MARK1: variants seen among roughly 807,000 people sequenced by gnomAD.
MARK1 encodes serine/threonine-protein kinase MARK1.
A neutral mutation model predicts 96.3 loss-of-function variants in MARK1; 40 were observed. The observed-to-expected ratio is 0.42, with a 90% CI of 0.32 to 0.54. The LOEUF is 0.54. MARK1 is among the 20% of genes least tolerant of loss of function. The pLI, the probability that MARK1 is intolerant of heterozygous loss-of-function variation, is 0.16. For synonymous variants in MARK1, 317 were observed against 341.2 expected (o/e 0.93, Z 0.78); for missense variants, 719 against 984.6 (o/e 0.73, Z 3.61).
chr1:220,570,822 T>C (rs1663399335), intron 1 of MARK1, among the ~76,000 whole-genome samples: 1 of 152,170 alleles, frequency 6.6e-6, no homozygotes, highest in African/African-American at 2.4e-5. Flanking sequence ...ATATGAACAT[T>C]TGGAGAAGTA....
In MARK1 at chr1:220,626,258, T is replaced by C. The variant is rs377437001; in HGVS notation, c.910-4777T>C. The C allele has an allele frequency of 2.9e-4, 155 of 531,060 alleles. 3 individuals are homozygous for C. In the East Asian group the frequency reaches 6.3e-3, roughly 22 times the overall value. The allele number at this position is 531,060 out of a possible 1,614,324, so 32.9% of individuals were successfully genotyped here. On this transcript the variant is annotated intron_variant, in intron 9 of 17. Coordinates refer to ENST00000366917, the MANE Select transcript of MARK1 (RefSeq NM_018650.5). ...CACCAGAGGGTGCTGTATATTGACA[T>C]TGATATTCACCACGGCGATGGGATG...
At chr1:220,626,491 T>G (rs534760401) in intron 9 of MARK1, 118 of 533,140 alleles carry the variant, frequency 2.2e-4, no homozygotes, top group African/African-American at 2.0e-3. Flanking sequence ...CTCAGACTCC[T>G]TATCTGGGGA....
intron 16 of MARK1, among the ~76,000 whole-genome samples, chr1:220,655,198 C>T (rs1355262404): frequency 6.6e-6 from 1 of 152,176 alleles, no homozygotes; most frequent in African/African-American, 2.4e-5. Flanking sequence ...TTCCCCCAAC[C>T]TCTAAATATT....
chr1:220,581,689 C>T (rs1664251304), intron 3 of MARK1, among the ~76,000 whole-genome samples: 1 of 152,124 alleles, frequency 6.6e-6, no homozygotes, highest in Non-Finnish European at 1.5e-5. Flanking sequence ...ACAAGAACTA[C>T]TAGTCTTTCA....
chr1:220,662,405 G>C lies in MARK1; in HGVS notation c.*239G>C, dbSNP rs1264279261. Reference sequence around the variant, plus strand: ...ACAGGTAAGTATATTGTGTATTTCTGTTCATTTTCTGTTCATAGAGTTGTA... The same window carrying C: ...ACAGGTAAGTATATTGTGTATTTCTCTTCATTTTCTGTTCATAGAGTTGTA... On this transcript the variant is annotated 3_prime_UTR_variant, in exon 18 of 18. Coordinates refer to ENST00000366917, the MANE Select transcript of MARK1 (RefSeq NM_018650.5). The C allele has an allele frequency of 2.4e-6, 1 of 410,124 alleles. No individual in the cohort carries two copies. The allele number at this position is 410,124 out of a possible 1,614,324, so 25.4% of individuals were successfully genotyped here.
chr1:220,635,810 T>C (rs748308784), intron 12 of MARK1, 23 bp from the exon 13 acceptor site: 1 of 1,535,242 alleles, frequency 6.5e-7, no homozygotes, highest in South Asian at 1.2e-5. Flanking sequence ...CAGCTCATTA[T>C]GCTATTTTTA....
chr1:220,601,323 T>C (rs949242574), intron 5 of MARK1, among the ~76,000 whole-genome samples: 10 of 151,942 alleles, frequency 6.6e-5, no homozygotes, highest in African/African-American at 2.2e-4. Flanking sequence ...GCAAAACTTT[T>C]GTCACCTGAA....
rs529228039 is a variant in MARK1 at position 220,576,950 on chromosome 1, A to G, written c.52-2404A>G. ...ACATAGAAAGCTGTGTGGAGGAGAT[A>G]CTCATATTAAATCTTGAAAGATGAA... On this transcript the variant is annotated intron_variant, in intron 1 of 17. Transcript: ENST00000366917. Among the ~76,000 whole-genome samples, 3 of 152,074 alleles carry G rather than the reference A, an allele frequency of 2.0e-5. No individual in the cohort carries two copies. The South Asian group carries it at 6.2e-4, about 32-fold the overall frequency.
chr1:220,607,217 C>T (rs1666135520), intron 6 of MARK1, among the ~76,000 whole-genome samples: 1 of 152,068 alleles, frequency 6.6e-6, no homozygotes, highest in South Asian at 2.1e-4. Flanking sequence ...GTTTGTTGTT[C>T]TCCTTGAAGA....
intron 1 of MARK1, among the ~76,000 whole-genome samples, chr1:220,542,454 A>G (rs2102715838): frequency 6.6e-6 from 1 of 152,250 alleles, no homozygotes; most frequent in East Asian, 1.9e-4. Flanking sequence ...TTTGATGGTG[A>G]ACTCCTCTTT....
At chr1:220,655,799 T>G (rs1223106271) in intron 16 of MARK1, among the ~76,000 whole-genome samples, 1 of 152,210 alleles carries the variant, frequency 6.6e-6, no homozygotes, top group African/African-American at 2.4e-5. Flanking sequence ...TTCACCTTGC[T>G]CAGAATACAA....
chr1:220,578,895 T>A (rs927090294), intron 1 of MARK1, among the ~76,000 whole-genome samples: 1 of 152,066 alleles, frequency 6.6e-6, no homozygotes, highest in South Asian at 2.1e-4. Flanking sequence ...CAGGCTGGAG[T>A]GCACTGACAT....
At chr1:220,622,924 G>A (rs1439421855) in intron 9 of MARK1, among the ~76,000 whole-genome samples, 5 of 152,154 alleles carry the variant, frequency 3.3e-5, no homozygotes, top group African/African-American at 1.2e-4. Context: ...TCTAAGTATA[G>A]AGTGTATATT....
At chr1:220,575,339 G>A (rs955816912) in intron 1 of MARK1, among the ~76,000 whole-genome samples, 1 of 152,224 alleles carries the variant, frequency 6.6e-6, no homozygotes, top group Non-Finnish European at 1.5e-5. Context: ...AAAATTCATA[G>A]ACATGCTGTA....
intron 9 of MARK1, among the ~76,000 whole-genome samples, chr1:220,628,634 C>G (rs1009721447): frequency 2.0e-5 from 3 of 152,132 alleles, no homozygotes; most frequent in Non-Finnish European, 2.9e-5. Context: ...AGGCTGTAAT[C>G]TGAGCCCTCT....
chr1:220,584,756 A>G (rs1664477710), intron 3 of MARK1, among the ~76,000 whole-genome samples: 1 of 152,224 alleles, frequency 6.6e-6, no homozygotes, highest in South Asian at 2.1e-4. Flanking sequence ...AACTTGCAAA[A>G]CCAATCACAA....
intron 9 of MARK1, chr1:220,627,305 C>A (rs1353951864): frequency 7.9e-6 from 4 of 503,728 alleles, no homozygotes; most frequent in African/African-American, 2.0e-5. Flanking sequence ...AAGAACTCTT[C>A]CAACTTCAAA....
chr1:220,598,694 A>T (rs919190795), intron 4 of MARK1, among the ~76,000 whole-genome samples: 17 of 151,030 alleles, frequency 1.1e-4, no homozygotes, highest in African/African-American at 3.2e-4. Flanking sequence ...TTCTAAATTT[A>T]AAAAAAAATG....
chr1:220,662,182 C>T lies in MARK1; in HGVS notation c.*16C>T. The T allele has an allele frequency of 1.3e-6, 2 of 1,581,050 alleles. No homozygotes were observed. ...TAAGCTGTAAAGAAGTCCAAATTTA[C>T]AGGTTCAGGGAAGATACATACATAT... On this transcript the variant is annotated 3_prime_UTR_variant, in exon 18 of 18. Transcript: ENST00000366917.
Sources: gnomAD v4.1 joint callset for allele counts (sites outside exome capture counted in the v4.1 genomes callset) on GRCh38, gnomAD v4.1.1 for gene constraint, MANE v1.5 for transcripts, NCBI Gene and HGNC (gene_info 2026-07-23, HGNC 2026-07-21) for gene names.